Variants in SGCZ observed in about 807,000 individuals in gnomAD.
The protein encoded by SGCZ is zeta-sarcoglycan.
Under a neutral mutation model 41.3 loss-of-function variants are expected in SGCZ, and 40 were observed. The observed-to-expected ratio is 0.97, with a 90% confidence interval of 0.75 to 1.26. The LOEUF (loss-of-function observed/expected upper bound fraction) is 1.26, where lower values mean the gene tolerates loss of function less well. SGCZ is among the 50% of genes most tolerant of loss of function. The pLI is 0.00. For synonymous variants in SGCZ, 206 were observed against 137.5 expected, an observed-to-expected ratio of 1.50 and a Z score of -3.49; for missense variants, 552 against 369.8, an observed-to-expected ratio of 1.49 and a Z score of -4.04.
At chr8:14,752,103 G>A (rs1312263420) in intron 1 of SGCZ, among the ~76,000 whole-genome samples, 43 of 11,180 alleles carry the variant, frequency 3.8e-3, no homozygotes, top group Non-Finnish European at 7.8e-3. Flanking sequence ...CCAAAATACC[G>A]AAAACAAAAG....
chr8:15,182,023 C>A (rs1466512869), intron 1 of SGCZ, among the ~76,000 whole-genome samples: 2 of 152,096 alleles, frequency 1.3e-5, no homozygotes, highest in Non-Finnish European at 2.9e-5. Flanking sequence ...CACTGAGTAT[C>A]CATTCATAGG....
chr8:14,301,421 A>G (rs951364046), intron 3 of SGCZ, among the ~76,000 whole-genome samples: 3 of 152,024 alleles, frequency 2.0e-5, no homozygotes, highest in African/African-American at 7.2e-5. Flanking sequence ...TACTGGAGTT[A>G]ATTATAACAT....
chr8:14,401,662 C>T (rs2117247522), intron 2 of SGCZ, among the ~76,000 whole-genome samples: 1 of 151,642 alleles, frequency 6.6e-6, no homozygotes, highest in South Asian at 2.1e-4. Context: ...GTATATGTGC[C>T]ACATTTTCTT....
chr8:14,912,157 A>G (rs1799296928), intron 1 of SGCZ, among the ~76,000 whole-genome samples: 2 of 152,080 alleles, frequency 1.3e-5, no homozygotes, highest in South Asian at 2.1e-4. Flanking sequence ...AATAATTTAC[A>G]TGGACCCTAG....
At chr8:14,821,911 G>T (rs1167220486) in intron 1 of SGCZ, among the ~76,000 whole-genome samples, 3 of 152,064 alleles carry the variant, frequency 2.0e-5, no homozygotes, top group African/African-American at 7.2e-5. Context: ...ACTAGACAAG[G>T]TTGCTAACTT....
chr8:14,110,895 A>G (rs1041528794), intron 5 of SGCZ, among the ~76,000 whole-genome samples: 1 of 152,050 alleles, frequency 6.6e-6, no homozygotes, highest in Non-Finnish European at 1.5e-5. Flanking sequence ...CCTCTCTACT[A>G]AAAATACAAA....
In SGCZ at chr8:14,674,050, T is replaced by G. The variant is rs554976004; in HGVS notation, c.40-119124A>C. Among the ~76,000 whole-genome samples the G allele has an allele frequency of 6.1e-4, 93 of 152,266 alleles. 1 individual carries two copies. Among genetic ancestry groups the G allele is most frequent in the African/African-American group, 2.2e-3 (91 of 41,574 alleles). On this transcript the variant is annotated intron_variant, in intron 1 of 7. Coordinates refer to ENST00000382080, the MANE Select transcript of SGCZ (RefSeq NM_139167.4). ...ATACTAATTTGGAGATGAAGTTCGA[T>G]GAATAAATTTATATATTTTTATTTT...
chr8:15,193,437 T>C (rs1015749177), intron 1 of SGCZ, among the ~76,000 whole-genome samples: 1 of 152,070 alleles, frequency 6.6e-6, no homozygotes, highest in Non-Finnish European at 1.5e-5. Context: ...TTAATCACTG[T>C]TTTAAGCAAT....
chr8:14,849,262 T>C (rs923484729), intron 1 of SGCZ, among the ~76,000 whole-genome samples: 3 of 152,094 alleles, frequency 2.0e-5, no homozygotes, highest in African/African-American at 7.2e-5. Flanking sequence ...AAAAAGAATT[T>C]ATCAAATTCT....
chr8:15,143,043 C>T (rs1563148427), intron 1 of SGCZ, among the ~76,000 whole-genome samples: 1 of 152,178 alleles, frequency 6.6e-6, no homozygotes. Flanking sequence ...ATTTCTTTTC[C>T]TTTCCAAGGT....
chr8:14,909,686 G>C (rs1346435678), intron 1 of SGCZ, among the ~76,000 whole-genome samples: 3 of 152,046 alleles, frequency 2.0e-5, no homozygotes, highest in African/African-American at 7.2e-5. Flanking sequence ...ATAAGGCATA[G>C]TTCTAACCAA....
chr8:14,353,805 A>T (rs1161484724), intron 2 of SGCZ, among the ~76,000 whole-genome samples: 1 of 151,984 alleles, frequency 6.6e-6, no homozygotes. Context: ...TCTCCTAGAG[A>T]CCTAAGGATG....
intron 3 of SGCZ, among the ~76,000 whole-genome samples, chr8:14,322,334 T>C (rs574221002): frequency 7.2e-5 from 11 of 152,124 alleles, no homozygotes; most frequent in African/African-American, 2.4e-4. Flanking sequence ...CATATATTCT[T>C]CAGTCAATAC....
At chr8:14,339,514 T>A (rs535679267) in intron 2 of SGCZ, among the ~76,000 whole-genome samples, 8 of 152,340 alleles carry the variant, frequency 5.3e-5, no homozygotes, top group Non-Finnish European at 7.4e-5. Context: ...AGAATCATCG[T>A]CAATGTTTTC....
chr8:14,667,785 G>A (rs901707312), intron 1 of SGCZ, among the ~76,000 whole-genome samples: 1 of 152,098 alleles, frequency 6.6e-6, no homozygotes, highest in Non-Finnish European at 1.5e-5. Context: ...CAAAGGGATA[G>A]TTGTTGAGAC....
intron 2 of SGCZ, among the ~76,000 whole-genome samples, chr8:14,368,580 C>A (rs1803798611): frequency 6.6e-6 from 1 of 152,014 alleles, no homozygotes; most frequent in African/African-American, 2.4e-5. Flanking sequence ...TTAAATAGAA[C>A]AGTGCTCACA....
At chr8:14,850,341 G>A (rs1265711442) in intron 1 of SGCZ, among the ~76,000 whole-genome samples, 2 of 152,136 alleles carry the variant, frequency 1.3e-5, no homozygotes, top group Non-Finnish European at 2.9e-5. Context: ...GACTTTAAAG[G>A]AGAGAAGGAG....
At chr8:15,171,900 A>G (rs1799841149) in intron 1 of SGCZ, among the ~76,000 whole-genome samples, 2 of 152,090 alleles carry the variant, frequency 1.3e-5, no homozygotes, top group East Asian at 1.9e-4. Flanking sequence ...CTTGTAACCT[A>G]TATTCAGAGG....
intron 1 of SGCZ, among the ~76,000 whole-genome samples, chr8:14,626,331 G>A (rs1806453247): frequency 6.6e-6 from 1 of 151,922 alleles, no homozygotes; most frequent in African/African-American, 2.4e-5. Context: ...ACAGGCTCCT[G>A]TGTGTGTTGT....
Sources: gnomAD v4.1 joint callset for allele counts (sites outside exome capture counted in the v4.1 genomes callset) on GRCh38, gnomAD v4.1.1 for gene constraint, MANE v1.5 for transcripts, NCBI Gene and HGNC (gene_info 2026-07-23, HGNC 2026-07-21) for gene names.